Variants in MYO5B observed in about 807,000 individuals in gnomAD.
MYO5B encodes myosin VB.
MYO5B carries 143 observed loss-of-function variants against 229.3 expected under a neutral mutation model. The ratio of observed to expected loss-of-function variants is 0.62; its 90% CI spans 0.54 to 0.72. The LOEUF (loss-of-function observed/expected upper bound fraction) is 0.72, where lower values mean the gene tolerates loss of function less well. Among genes scored for constraint, MYO5B ranks in the 30% least tolerant of loss-of-function variants. The probability of loss-of-function intolerance (pLI) is 0.00; values close to 1 mark genes in which losing one functional copy is unlikely to be tolerated. For synonymous variants in MYO5B, 918 were observed against 885.2 expected (o/e 1.04, Z -0.66); for missense variants, 2,321 against 2,331.0 (o/e 1.00, Z 0.09).
At position 50,175,683 on chromosome 18, in the gene MYO5B, G is replaced by T. The variant is rs143087238; in HGVS notation, c.27+19084C>A. On this transcript the variant is annotated intron_variant, in intron 1 of 39. Transcript: ENST00000285039. ...TTCTAGACACCTTTCAGGTGGGCAAGAAGTTTTAAGGTCATAAAGGTCAAA... is the reference window on the plus strand; with the variant it reads ...TTCTAGACACCTTTCAGGTGGGCAATAAGTTTTAAGGTCATAAAGGTCAAA... Among the ~76,000 whole-genome samples the T allele has an allele frequency of 5.3e-5, 8 of 152,344 alleles. No homozygotes were observed. In the East Asian group the frequency reaches 1.5e-3, roughly 29 times the overall value.
chr18:50,020,441 A>G (rs764125701), intron 4 of MYO5B, among the ~76,000 whole-genome samples: 2 of 152,202 alleles, frequency 1.3e-5, no homozygotes, highest in Non-Finnish European at 2.9e-5. Flanking sequence ...TTATGGATCA[A>G]AATTCCACCA....
At chr18:49,895,802 G>A (rs1359020792) in intron 21 of MYO5B, among the ~76,000 whole-genome samples, 4 of 152,180 alleles carry the variant, frequency 2.6e-5, no homozygotes, top group African/African-American at 9.7e-5. Context: ...CTCAATCCCA[G>A]CCCACTCAGG....
intron 1 of MYO5B, among the ~76,000 whole-genome samples, chr18:50,124,444 T>C (rs1317321559): frequency 1.3e-5 from 2 of 152,216 alleles, no homozygotes; most frequent in African/African-American, 2.4e-5. Flanking sequence ...ATTCCTATTA[T>C]GGGAGTCATC....
intron 4 of MYO5B, among the ~76,000 whole-genome samples, chr18:50,017,242 C>T (rs1338007529): frequency 2.6e-5 from 4 of 152,144 alleles, no homozygotes; most frequent in African/African-American, 4.8e-5. Context: ...CTCAGCCTCC[C>T]GAGTGGCTGG....
At chr18:49,873,477 A>G (rs1237176680) in intron 26 of MYO5B, among the ~76,000 whole-genome samples, 1 of 152,150 alleles carries the variant, frequency 6.6e-6, no homozygotes, top group African/African-American at 2.4e-5. Flanking sequence ...CAGTTACCGC[A>G]CTGTTTCCAG....
chr18:49,955,140 T>C (rs893795561), intron 12 of MYO5B, among the ~76,000 whole-genome samples: 1 of 152,226 alleles, frequency 6.6e-6, no homozygotes, highest in Admixed American at 6.5e-5. Flanking sequence ...CAGTGAGAAC[T>C]AAGTACCTAG....
At chr18:49,834,700 G>A (rs545120784) in intron 39 of MYO5B, among the ~76,000 whole-genome samples, 4 of 151,884 alleles carry the variant, frequency 2.6e-5, no homozygotes, top group Admixed American at 6.6e-5. Context: ...GTTCAGTGGC[G>A]CAATCTCGGC....
chr18:50,118,792 T>G (rs1390092067), intron 1 of MYO5B, among the ~76,000 whole-genome samples: 1 of 152,062 alleles, frequency 6.6e-6, no homozygotes, highest in Non-Finnish European at 1.5e-5. Context: ...GCCTGGCTAA[T>G]TTTTTGTATT....
At chr18:50,076,123 C>G (rs1209116129) in intron 1 of MYO5B, among the ~76,000 whole-genome samples, 1 of 152,160 alleles carries the variant, frequency 6.6e-6, no homozygotes, top group African/African-American at 2.4e-5. Context: ...GAAGGGTTGG[C>G]AAGATATTTC....
chr18:49,916,034 C>T (rs2025010561), intron 17 of MYO5B, among the ~76,000 whole-genome samples: 1 of 152,252 alleles, frequency 6.6e-6, no homozygotes, highest in Admixed American at 6.5e-5. Flanking sequence ...GACCCACCCG[C>T]TCAGGTGCGG....
chr18:50,097,677 T>C (rs1474706943), intron 1 of MYO5B: 3 of 172,076 alleles, frequency 1.7e-5, no homozygotes, highest in Non-Finnish European at 3.7e-5. Flanking sequence ...AAGTTCCAGG[T>C]TCTGAATAAG....
At chr18:49,962,440 G>C in intron 11 of MYO5B, 34 bp from the exon 12 acceptor site, 4 of 1,613,952 alleles carry the variant, frequency 2.5e-6, no homozygotes, top group Non-Finnish European at 3.4e-6. Flanking sequence ...CGAGTGAACT[G>C]CAGGCACACC....
intron 14 of MYO5B, among the ~76,000 whole-genome samples, chr18:49,938,246 G>T (rs2025272949): frequency 6.6e-6 from 1 of 152,118 alleles, no homozygotes; most frequent in Non-Finnish European, 1.5e-5. Context: ...GGGTTGTTAT[G>T]AATACTAAAT....
intron 1 of MYO5B, among the ~76,000 whole-genome samples, chr18:50,090,122 A>G (rs1041874566): frequency 1.3e-5 from 2 of 152,080 alleles, no homozygotes; most frequent in African/African-American, 4.8e-5. Flanking sequence ...CTATTAAATT[A>G]TCCACTCCTT....
rs2023835718 is a variant in MYO5B, at chr18:49,825,726, T to C, written c.*745A>G. The C allele has an allele frequency of 6.6e-6, 1 of 152,594 alleles. No individual in the cohort carries two copies. Among genetic ancestry groups the C allele is most frequent in the Non-Finnish European group, 1.5e-5 (1 of 68,092 alleles). 9.5% of individuals were successfully genotyped at this position (152,594 alleles called of 1,614,324 possible). On this transcript the variant is annotated 3_prime_UTR_variant, in exon 40 of 40. Transcript: ENST00000285039. ...ATGGACTAGCATCAGAAACAAAATA[T>C]TTTTCCATCTTTCTCACTTGGAGTT...
At chr18:50,185,423 G>T (rs4939954) in intron 1 of MYO5B, among the ~76,000 whole-genome samples, 4 of 151,912 alleles carry the variant, frequency 2.6e-5, no homozygotes, top group Non-Finnish European at 4.4e-5. Context: ...AGCAATTCCA[G>T]CTTTAGGAAT....
At chr18:49,903,231 G>A (rs191520859) in intron 20 of MYO5B, among the ~76,000 whole-genome samples, 1 of 151,996 alleles carries the variant, frequency 6.6e-6, no homozygotes, top group Non-Finnish European at 1.5e-5. Flanking sequence ...TCCACAGCAG[G>A]CTAATGGCTT....
rs575491589 is a variant in MYO5B, at chr18:50,172,049, A to G, written c.27+22718T>C. Among the ~76,000 whole-genome samples the G allele has an allele frequency of 6.0e-4, 91 of 152,234 alleles. 2 individuals are homozygous for G. Among genetic ancestry groups the G allele is most frequent in the Non-Finnish European group, 1.8e-4 (12 of 68,022 alleles). ...CATTCTAACCACCCCTGGAGGCCTC[A>G]TGTTCATTAGGGCAGAACTCCATGA... On this transcript the variant is annotated intron_variant, in intron 1 of 39. Coordinates refer to ENST00000285039, the MANE Select transcript of MYO5B (RefSeq NM_001080467.3).
At chr18:50,080,141 G>GA (rs1428522711) in intron 1 of MYO5B, among the ~76,000 whole-genome samples, 4 of 152,120 alleles carry the variant, frequency 2.6e-5, no homozygotes, top group African/African-American at 9.7e-5. Flanking sequence ...CTGGACTCAG[G>GA]AAACAACCCA....
Sources: allele counts gnomAD v4.1 joint callset (sites outside exome capture counted in the v4.1 genomes callset), GRCh38; gene constraint gnomAD v4.1.1; transcripts MANE v1.5; gene names NCBI Gene and HGNC (gene_info 2026-07-23, HGNC 2026-07-21).